Variants in GPC6 observed in about 807,000 individuals in gnomAD.
The protein encoded by GPC6 is glypican 6, also known as glypican-6.
A neutral mutation model predicts 55.2 loss-of-function variants in GPC6; 14 were observed. That is an observed-to-expected ratio of 0.25 (90% CI 0.17 to 0.40). The LOEUF (loss-of-function observed/expected upper bound fraction) is 0.40. Among genes scored for constraint, GPC6 ranks in the 10% least tolerant of loss-of-function variants. GPC6 has a pLI of 1.00. For missense variants in GPC6, 641 were observed against 708.5 expected (o/e 0.90, Z 1.08); for synonymous variants, 278 against 259.6 (o/e 1.07, Z -0.68).
In GPC6 at chr13:94,306,069, C is replaced by A. The variant is rs1239865953; in HGVS notation, c.1098C>A (p.Pro366=). Residue 366 remains proline, a synonymous_variant, in exon 6 of 9, where the codon CCC becomes CCA. Transcript: ENST00000377047. ...APENFNTRFR[P]YNPEERPTTA... is the part of the protein sequence containing the mutation. ...AAAATTTTAATACACGTTTCAGGCC[C>A]TACAATCCTGAGGAAAGACCAACAA... 6.2e-7 allele frequency: 1 copy of A among 1,614,152 alleles called. No individual in the cohort carries two copies. Among genetic ancestry groups the A allele is most frequent in the Non-Finnish European group, 8.5e-7 (1 of 1,180,002 alleles).
chr13:93,951,663 T>G (rs893438468), intron 3 of GPC6, among the ~76,000 whole-genome samples: 1 of 152,138 alleles, frequency 6.6e-6, no homozygotes, highest in Non-Finnish European at 1.5e-5. Context: ...CTCAGTTTCT[T>G]CATCCGTATA....
intron 3 of GPC6, among the ~76,000 whole-genome samples, chr13:93,988,720 C>T (rs190919990): frequency 2.6e-5 from 4 of 152,224 alleles, no homozygotes; most frequent in Admixed American, 2.6e-4. Flanking sequence ...AACGCTCTAC[C>T]TCCTAATATT....
intron 2 of GPC6, among the ~76,000 whole-genome samples, chr13:93,561,271 G>T (rs1371039076): frequency 2.0e-5 from 3 of 151,544 alleles, no homozygotes; most frequent in African/African-American, 7.3e-5. Flanking sequence ...TTCTTTCACT[G>T]GAATAATAAG....
At chr13:93,702,702 A>C (rs1230129688) in intron 2 of GPC6, among the ~76,000 whole-genome samples, 1 of 151,944 alleles carries the variant, frequency 6.6e-6, no homozygotes, top group Non-Finnish European at 1.5e-5. Flanking sequence ...CTCCATGACC[A>C]CTTGCTGCCC....
intron 4 of GPC6, among the ~76,000 whole-genome samples, chr13:94,169,575 G>A (rs1888488315): frequency 2.0e-5 from 3 of 152,150 alleles, no homozygotes; most frequent in Non-Finnish European, 4.4e-5. Context: ...TACCGAGCCA[G>A]AAATAAACAG....
chr13:93,553,713 A>AT (rs1486424911), intron 2 of GPC6, among the ~76,000 whole-genome samples: 2 of 151,108 alleles, frequency 1.3e-5, no homozygotes, highest in African/African-American at 4.9e-5. Flanking sequence ...AAAAAAAAAA[A>AT]AAAGGAGAGG....
At chr13:93,446,852 A>T (rs1425954625) in intron 1 of GPC6, among the ~76,000 whole-genome samples, 4 of 152,092 alleles carry the variant, frequency 2.6e-5, no homozygotes, top group Admixed American at 6.6e-5. Flanking sequence ...TGTGAGTGTC[A>T]TTACTTTTTT....
At chr13:94,037,920 G>C (rs768477861) in intron 4 of GPC6, among the ~76,000 whole-genome samples, 3 of 151,964 alleles carry the variant, frequency 2.0e-5, no homozygotes, top group African/African-American at 7.2e-5. Context: ...GTGGTTGAAT[G>C]CTTGACATAT....
intron 4 of GPC6, among the ~76,000 whole-genome samples, chr13:94,029,100 G>A (rs1594678512): frequency 6.6e-6 from 1 of 152,140 alleles, no homozygotes; most frequent in Non-Finnish European, 1.5e-5. Context: ...ATTTGCATAG[G>A]ATAGAAAAAA....
At chr13:94,069,904 A>G (rs1884664328) in intron 4 of GPC6, among the ~76,000 whole-genome samples, 1 of 152,244 alleles carries the variant, frequency 6.6e-6, no homozygotes, top group African/African-American at 2.4e-5. Flanking sequence ...TCTTCTTCTC[A>G]GCCCTCCAAA....
chr13:93,790,101 G>A (rs1885981048), intron 2 of GPC6, among the ~76,000 whole-genome samples: 2 of 152,102 alleles, frequency 1.3e-5, no homozygotes, highest in Admixed American at 1.3e-4. Context: ...AGTTAATGAA[G>A]GTGGCGTTAC....
Position 93,278,240 on chromosome 13 carries a change from AT to A in GPC6, c.160+50633del, listed in dbSNP as rs571773503. 8.1e-3 allele frequency among the ~76,000 whole-genome samples: 1,234 copies of A among 152,076 alleles called. 14 individuals carry two copies. Among genetic ancestry groups the A allele is most frequent in the African/African-American group, 0.028 (1,147 of 41,502 alleles). On this transcript the variant is annotated intron_variant, in intron 1 of 8. Transcript: ENST00000377047. Reference sequence around the variant, plus strand: ...GTTTCATTGTGTGAGCTGAATAGAGATTTTTTTTTAAAAAGTTTGTTTTATT... The same window carrying A: ...GTTTCATTGTGTGAGCTGAATAGAGATTTTTTTTAAAAAGTTTGTTTTATT...
intron 1 of GPC6, among the ~76,000 whole-genome samples, chr13:93,244,753 A>G (rs1357867596): frequency 2.0e-5 from 3 of 152,168 alleles, no homozygotes; most frequent in Non-Finnish European, 4.4e-5. Context: ...TGCCTGACTC[A>G]CAGTGCAGCC....
At chr13:93,638,261 G>A (rs1469528796) in intron 2 of GPC6, among the ~76,000 whole-genome samples, 1 of 151,946 alleles carries the variant, frequency 6.6e-6, no homozygotes, top group African/African-American at 2.4e-5. Context: ...AACTCCCTTG[G>A]GATTAGCATA....
intron 3 of GPC6, among the ~76,000 whole-genome samples, chr13:93,856,171 A>G (rs1388999821): frequency 1.3e-5 from 2 of 151,564 alleles, no homozygotes; most frequent in Non-Finnish European, 3.0e-5. Flanking sequence ...TCAAGAGGCT[A>G]CAACACAGCC....
intron 1 of GPC6, among the ~76,000 whole-genome samples, chr13:93,320,393 AAG>A (rs67808898): frequency 0.022 from 3,317 of 152,008 alleles, 115 homozygotes; most frequent in African/African-American, 0.075. Context: ...TTATTAAAGA[AAG>A]TGCTCAAAGT....
intron 4 of GPC6, among the ~76,000 whole-genome samples, chr13:94,217,659 T>C (rs1890263470): frequency 6.6e-6 from 1 of 152,180 alleles, no homozygotes; most frequent in Non-Finnish European, 1.5e-5. Context: ...GAAAAACTGC[T>C]ATCATCCCCT....
chr13:93,952,990 A>G (rs1277058141), intron 3 of GPC6, among the ~76,000 whole-genome samples: 4 of 151,108 alleles, frequency 2.6e-5, no homozygotes, highest in African/African-American at 4.9e-5. Flanking sequence ...TTCTTTCTAC[A>G]GAATTCTCAA....
chr13:93,748,035 G>A (rs1884459311), intron 2 of GPC6, among the ~76,000 whole-genome samples: 1 of 152,166 alleles, frequency 6.6e-6, no homozygotes, highest in South Asian at 2.1e-4. Context: ...GTATTTGCTC[G>A]ATGAAAATAT....
Sources: gnomAD v4.1 joint callset for allele counts (sites outside exome capture counted in the v4.1 genomes callset) on GRCh38, gnomAD v4.1.1 for gene constraint, MANE v1.5 for transcripts, NCBI Gene and HGNC (gene_info 2026-07-23, HGNC 2026-07-21) for gene names.